The following PWWP2A variants were observed in gnomAD, a reference collection of about 807,000 sequenced individuals.
PWWP2A encodes the protein PWWP domain containing 2A, also known as PWWP domain-containing protein 2A.
A neutral mutation model predicts 48.5 loss-of-function variants in PWWP2A; 18 were observed. That is an observed-to-expected ratio of 0.37 (90% CI 0.26 to 0.55). PWWP2A has a LOEUF of 0.55. PWWP2A is among the 20% of genes least tolerant of loss of function. The pLI is 0.81. For synonymous variants in PWWP2A, 396 were observed against 387.7 expected, an observed-to-expected ratio of 1.02 and a Z score of -0.25; for missense variants, 867 against 976.4, an observed-to-expected ratio of 0.89 and a Z score of 1.49.
intron 3 of PWWP2A, among the ~76,000 whole-genome samples, chr5:160,080,434 C>T (rs1312038090): frequency 1.3e-5 from 2 of 152,196 alleles, no homozygotes; most frequent in East Asian, 3.8e-4. Context: ...TCACAGGAGA[C>T]TCCTCTTTTT....
intron 1 of PWWP2A, among the ~76,000 whole-genome samples, chr5:160,094,711 A>G (rs986397458): frequency 1.3e-5 from 2 of 152,136 alleles, no homozygotes; most frequent in African/African-American, 4.8e-5. Flanking sequence ...TTTTTAAATC[A>G]TCTCACATTA....
chr5:160,096,238 G>A (rs779307866), intron 1 of PWWP2A, among the ~76,000 whole-genome samples: 2 of 151,618 alleles, frequency 1.3e-5, no homozygotes, highest in African/African-American at 2.4e-5. Context: ...TTTTACCTAC[G>A]GTAAGACAAG....
chr5:160,068,217 A>G (rs1352533462), intron 2 of PWWP2A, among the ~76,000 whole-genome samples: 1 of 152,116 alleles, frequency 6.6e-6, no homozygotes, highest in Non-Finnish European at 1.5e-5. Flanking sequence ...CCCCTAACCC[A>G]CCACCAAAAA....
At position 160,093,900 on chromosome 5, in the gene PWWP2A, C is replaced by G; in HGVS notation, c.750G>C (p.Glu250Asp). ...PDDPSPVPHP[E>D]LSLAESLWTS... ...TCCACAGGCTTTCAGCCAAGCTCAGCTCGGGATGCGGGACAGGAGAAGGGT... is the reference window on the plus strand; with the variant it reads ...TCCACAGGCTTTCAGCCAAGCTCAGGTCGGGATGCGGGACAGGAGAAGGGT... The change falls in exon 2 of 2, where the codon GAG (glutamate) becomes GAC (aspartate). Residue 250 changes from glutamate (E) to aspartate (D), a missense_variant. Transcript: ENST00000307063. This position sits in a 1 kb window ranked among gnomAD's most constrained non-coding sequence, Gnocchi z 5.8. The G allele has an allele frequency of 1.9e-6, 3 of 1,614,044 alleles. No individual in the cohort carries two copies. Among genetic ancestry groups the G allele is most frequent in the Non-Finnish European group, 2.5e-6 (3 of 1,179,906 alleles).
At chr5:160,045,061 A>G in the PWWP2A span, among the ~76,000 whole-genome samples, 587 of 152,230 alleles carry the variant, frequency 3.9e-3, 3 homozygotes, top group African/African-American at 0.013. Flanking sequence ...TATTTAACCT[A>G]TTTCCTTTAT....
downstream of PWWP2A, among the ~76,000 whole-genome samples, chr5:160,074,864 C>G (rs1753830857): frequency 6.6e-6 from 1 of 151,604 alleles, no homozygotes; most frequent in South Asian, 2.1e-4. Context: ...TTTGGGAGGC[C>G]GAGGCAGGAG....
At chr5:160,084,749 G>A (rs1200837941) in intron 2 of PWWP2A, among the ~76,000 whole-genome samples, 3 of 152,024 alleles carry the variant, frequency 2.0e-5, no homozygotes, top group African/African-American at 7.2e-5. Flanking sequence ...GTTAATGAAT[G>A]CTTAAACTCA....
At chr5:160,065,289 C>T (rs2113432736) in intron 4 of PWWP2A, 2 of 710,798 alleles carry the variant, frequency 2.8e-6, no homozygotes, top group Non-Finnish European at 4.9e-6. Flanking sequence ...GGTGTCTGTG[C>T]AGCTGGTGTC....
chr5:160,114,386 T>C (rs1757887377), intron 1 of PWWP2A, among the ~76,000 whole-genome samples: 1 of 151,392 alleles, frequency 6.6e-6, no homozygotes, highest in South Asian at 2.1e-4. Context: ...CCTTGAACCC[T>C]GGAGGCTCAG....
intron 1 of PWWP2A, among the ~76,000 whole-genome samples, chr5:160,116,530 A>C (rs1758159650): frequency 6.6e-6 from 1 of 152,248 alleles, no homozygotes. Context: ...GAAAAGGTTC[A>C]TATTAGGAAT....
At chr5:160,117,867 G>A (rs1758298947) in intron 1 of PWWP2A, 2 of 984,420 alleles carry the variant, frequency 2.0e-6, no homozygotes, top group Non-Finnish European at 2.4e-6. Flanking sequence ...CGATCAGAGC[G>A]TGTGCTGTTG....
In PWWP2A at chr5:160,102,718, C is replaced by T. The variant is rs149225417; in HGVS notation, c.585-8653G>A. ...TAACTTGAGGGAGAATCAAAGTACACATTGCCAATGAGGGCACATGGCTAT... is the reference window on the plus strand; with the variant it reads ...TAACTTGAGGGAGAATCAAAGTACATATTGCCAATGAGGGCACATGGCTAT... On this transcript the variant is annotated intron_variant, in intron 1 of 1. Coordinates refer to ENST00000307063, the MANE Select transcript of PWWP2A (RefSeq NM_001130864.2). Among the ~76,000 whole-genome samples, 782 of 152,316 alleles carry T rather than the reference C, an allele frequency of 5.1e-3. 4 individuals carry two copies. Among genetic ancestry groups the T allele is most frequent in the Admixed American group, 7.8e-3 (119 of 15,286 alleles).
At chr5:160,067,898 TGGCCA>T (rs1232858786) in intron 2 of PWWP2A, among the ~76,000 whole-genome samples, 5 of 152,218 alleles carry the variant, frequency 3.3e-5, no homozygotes, top group African/African-American at 1.2e-4. Context: ...TTTAAAGCTC[TGGCCA>T]GGCACCGTGG....
chr5:160,074,612 G>T (rs1043388331), downstream of PWWP2A, among the ~76,000 whole-genome samples: 3 of 151,404 alleles, frequency 2.0e-5, no homozygotes, highest in African/African-American at 7.3e-5. Context: ...CAGGGGTGGT[G>T]GCGCATGCCT....
chr5:160,055,958 G>C, the PWWP2A span, among the ~76,000 whole-genome samples: 2 of 152,230 alleles, frequency 1.3e-5, no homozygotes. Context: ...GAGGAATAGA[G>C]TCAGTTACAT....
chr5:160,050,989 TA>T, the PWWP2A span: 3 of 588,246 alleles, frequency 5.1e-6, no homozygotes, highest in Non-Finnish European at 8.2e-6. Flanking sequence ...TTTTTTTTTT[TA>T]TTTAATAGGA....
chr5:160,102,152 G>A (rs57150379), intron 1 of PWWP2A, among the ~76,000 whole-genome samples: 1,722 of 145,608 alleles, frequency 0.012, 35 homozygotes, highest in African/African-American at 0.042. Context: ...AATGGCTCAC[G>A]CTTGTAACAC....
At position 160,077,855 on chromosome 5, in the gene PWWP2A, TGTCA is replaced by T; in HGVS notation, c.*296_*299del. The T allele has an allele frequency of 5.8e-6, 2 of 344,076 alleles. No homozygotes were observed. The highest frequency in any genetic ancestry group is 1.1e-5 in the Non-Finnish European group (2 of 186,012). The allele number at this position is 344,076 out of a possible 1,614,324, so 21.3% of individuals were successfully genotyped here. On this transcript the variant is annotated 3_prime_UTR_variant, in exon 4 of 4. Transcript: ENST00000456329. This position sits in a 1 kb window ranked among gnomAD's most constrained non-coding sequence, Gnocchi z 4.2. ...GAACTTCACATTCCAAAGAAGTTACTGTCAGTGTTTCTTCATATATAAAATTCAA... is the reference window on the plus strand; with the variant it reads ...GAACTTCACATTCCAAAGAAGTTACTGTGTTTCTTCATATATAAAATTCAA...
chr5:160,065,453 G>C, intron 4 of PWWP2A: 1 of 460,022 alleles, frequency 2.2e-6, no homozygotes, highest in Non-Finnish European at 4.3e-6. Flanking sequence ...ACGGGTTCCC[G>C]CCTGCTGTCC....
Sources: allele counts gnomAD v4.1 joint callset (sites outside exome capture counted in the v4.1 genomes callset), GRCh38; gene constraint gnomAD v4.1.1; non-coding constraint Gnocchi (gnomAD v3.1); transcripts MANE v1.5; gene names NCBI Gene and HGNC (gene_info 2026-07-23, HGNC 2026-07-21).